The following TJP2 variants were observed in gnomAD, a reference collection of about 807,000 sequenced individuals.
TJP2 encodes the protein Friedreich ataxia region gene X104 (tight junction protein ZO-2).
In TJP2, 91 loss-of-function variants were observed where a neutral mutation model predicts 133.1. The ratio of observed to expected loss-of-function variants is 0.68; its 90% CI spans 0.58 to 0.81. The LOEUF is 0.81. TJP2 is among the 40% of genes least tolerant of loss of function. The pLI is 0.00. For missense variants in TJP2, 1,541 were observed against 1,565.6 expected (o/e 0.98, Z 0.26); for synonymous variants, 592 against 583.4 (o/e 1.01, Z -0.21).
chr9:69,197,474 A>T (rs1010408425), intron 1 of TJP2, among the ~76,000 whole-genome samples: 2 of 151,900 alleles, frequency 1.3e-5, no homozygotes, highest in South Asian at 4.2e-4. Flanking sequence ...TGTATTTTCA[A>T]TTTTCTTGAG....
intron 1 of TJP2, among the ~76,000 whole-genome samples, chr9:69,188,515 GC>G (rs1324415932): frequency 6.6e-6 from 1 of 152,158 alleles, no homozygotes; most frequent in Non-Finnish European, 1.5e-5. Context: ...GAAGCTCAAG[GC>G]CCTGTGTTGA....
chr9:69,176,995 G>T (rs1218673325), intron 1 of TJP2, among the ~76,000 whole-genome samples: 1 of 152,150 alleles, frequency 6.6e-6, no homozygotes, highest in East Asian at 1.9e-4. Context: ...GCGGTAGAAG[G>T]GTTCGCAATC....
At chr9:69,212,744 A>C (rs1416737981) in intron 2 of TJP2, 143 bp downstream of exon 2, 1 of 677,930 alleles carries the variant, frequency 1.5e-6, no homozygotes, top group Non-Finnish European at 2.6e-6. Flanking sequence ...AACTGGCAAT[A>C]ATTGCTATGT....
At chr9:69,150,011 G>A (rs570112806) in intron 1 of TJP2, among the ~76,000 whole-genome samples, 1 of 152,038 alleles carries the variant, frequency 6.6e-6, no homozygotes, top group Non-Finnish European at 1.5e-5. Context: ...TTAGCCGGCC[G>A]TGGTGGCACG....
Position 69,234,566 on chromosome 9 carries a change from T to A in TJP2, c.1780+19T>A, listed in dbSNP as rs1297516701. 1.3e-6 allele frequency: 2 copies of A among 1,509,780 alleles called. No individual in the cohort carries two copies. The highest frequency in any genetic ancestry group is 1.8e-6 in the Non-Finnish European group (2 of 1,099,696). The allele number at this position is 1,509,780 out of a possible 1,614,324, so 93.5% of individuals were successfully genotyped here. On this transcript the variant is annotated intron_variant, in intron 12 of 22. Coordinates refer to ENST00000377245, the MANE Select transcript of TJP2 (RefSeq NM_004817.4). ...GCCGATGGTGAGCAAATTTGGTCAT[T>A]TAGTTTAGTTGGGGTGGGGGTGGGG...
chr9:69,245,839 G>A (rs1188903534), intron 17 of TJP2, among the ~76,000 whole-genome samples: 3 of 152,168 alleles, frequency 2.0e-5, no homozygotes, highest in Non-Finnish European at 4.4e-5. Flanking sequence ...AGTAGAAAAT[G>A]TATATTCTTT....
chr9:69,175,281 A>G (rs1824997256), intron 1 of TJP2, among the ~76,000 whole-genome samples: 1 of 152,164 alleles, frequency 6.6e-6, no homozygotes, highest in Non-Finnish European at 1.5e-5. Context: ...GCGGAGAGTC[A>G]TCCCATGATA....
Position 69,254,420 on chromosome 9 carries a change from C to G in TJP2, c.*46C>G, listed in dbSNP as rs11548277. The G allele has an allele frequency of 7.5e-6, 12 of 1,607,118 alleles. No homozygotes were observed. The highest frequency in any genetic ancestry group is 1.0e-5 in the Non-Finnish European group (12 of 1,178,172). ...CCAGGCCTGCCTGCATGGCATCAGA[C>G]TAGCCACTCCTGCCAGGCCGCCGGG... On this transcript the variant is annotated 3_prime_UTR_variant, in exon 23 of 23. Transcript: ENST00000377245.
At chr9:69,135,984 G>C (rs776691842) in intron 1 of TJP2, among the ~76,000 whole-genome samples, 8 of 152,168 alleles carry the variant, frequency 5.3e-5, no homozygotes, top group Admixed American at 1.3e-4. Flanking sequence ...CGTCAGTCAA[G>C]TGCTAGTTCC....
At chr9:69,134,217 G>A (rs1822627793) in intron 1 of TJP2, among the ~76,000 whole-genome samples, 1 of 152,172 alleles carries the variant, frequency 6.6e-6, no homozygotes, top group African/African-American at 2.4e-5. Flanking sequence ...AATGAGTGTG[G>A]AGTTGGACTG....
chr9:69,240,198 A>T lies in TJP2; in HGVS notation c.2566+51A>T, dbSNP rs746779581. 2.7e-6 allele frequency: 4 copies of T among 1,473,346 alleles called. No individual in the cohort carries two copies. In the African/African-American group the frequency reaches 5.6e-5, roughly 21 times the overall value. 91.3% of individuals were successfully genotyped at this position (1,473,346 alleles called of 1,614,324 possible). A position where few individuals can be genotyped will look rare whatever the true frequency, so the allele number is the denominator to read the frequency against. On this transcript the variant is annotated intron_variant, in intron 17 of 22. Coordinates refer to ENST00000377245, the MANE Select transcript of TJP2 (RefSeq NM_004817.4). ...TTTGCTAAAAAATGAGAAATAAAGAATTGAAGAGTAGAAGAAATAATTAAT... is the reference window on the plus strand; with the variant it reads ...TTTGCTAAAAAATGAGAAATAAAGATTTGAAGAGTAGAAGAAATAATTAAT...
At chr9:69,153,175 G>A (rs1175788930) in intron 2 of TJP2, among the ~76,000 whole-genome samples, 1 of 151,978 alleles carries the variant, frequency 6.6e-6, no homozygotes, top group African/African-American at 2.4e-5. Flanking sequence ...CGAGGCTGCA[G>A]TGAGCTATAA....
At chr9:69,163,657 G>A (rs1427968834) in intron 2 of TJP2, among the ~76,000 whole-genome samples, 2 of 151,286 alleles carry the variant, frequency 1.3e-5, no homozygotes, top group Non-Finnish European at 3.0e-5. Flanking sequence ...AAAAAAAATT[G>A]AGATGGGGTT....
intron 2 of TJP2, among the ~76,000 whole-genome samples, chr9:69,213,097 C>G (rs1828061911): frequency 8.5e-6 from 1 of 118,044 alleles, no homozygotes; most frequent in Admixed American, 1.1e-4. Flanking sequence ...GAATTGCACT[C>G]TTGTCGCCCA....
Position 69,240,077 on chromosome 9 carries a change from C to T in TJP2, c.2496C>T (p.Ser832=), listed in dbSNP as rs1251461168. 1.9e-6 allele frequency: 3 copies of T among 1,613,906 alleles called. No homozygotes were observed. Among genetic ancestry groups the T allele is most frequent in the East Asian group, 2.2e-5 (1 of 44,866 alleles). The change falls in exon 17 of 23, where the codon TCC becomes TCT. Residue 832 remains serine (S), a synonymous_variant. Transcript: ENST00000377245. The stretch of plus-strand genomic sequence containing the variant: ...TGAGACAAAGGTTAAATCCAACGTC[C>T]AACAAAAGTTCTCGAAAGTTATTTG... ...KTMRQRLNPT[S]NKSSRKLFDQ...
chr9:69,211,195 G>A (rs1353255179), intron 1 of TJP2, among the ~76,000 whole-genome samples: 1 of 152,092 alleles, frequency 6.6e-6, no homozygotes, highest in Middle Eastern at 3.2e-3. Context: ...AAATTAGCCG[G>A]GCGTGGTAGT....
chr9:69,254,583 TG>T lies in TJP2; in HGVS notation c.*210del. 1 of 644,478 alleles carries T rather than the reference TG, an allele frequency of 1.6e-6. No individual in the cohort carries two copies. The highest frequency in any genetic ancestry group is 2.5e-5 in the Admixed American group (1 of 39,746). The allele number at this position is 644,478 out of a possible 1,614,324, so 39.9% of individuals were successfully genotyped here. On this transcript the variant is annotated 3_prime_UTR_variant, in exon 23 of 23. Transcript: ENST00000377245. ...TTTGTGGGACTGGGTTAGAGGAGTC[TG>T]TGGCTTTTTGTTCAGAATTAAGCAG...
intron 5 of TJP2, among the ~76,000 whole-genome samples, chr9:69,222,399 C>T (rs1828954096): frequency 1.3e-5 from 2 of 152,090 alleles, no homozygotes; most frequent in Admixed American, 6.5e-5. Context: ...CTCCTGACCT[C>T]AGGTGATCTG....
intron 1 of TJP2, among the ~76,000 whole-genome samples, chr9:69,142,723 T>G (rs1458836116): frequency 6.6e-6 from 1 of 152,174 alleles, no homozygotes; most frequent in African/African-American, 2.4e-5. Context: ...AAATATTAGT[T>G]GAAAGGAAAT....
Sources: gnomAD v4.1 joint callset for allele counts (sites outside exome capture counted in the v4.1 genomes callset) on GRCh38, gnomAD v4.1.1 for gene constraint, MANE v1.5 for transcripts, NCBI Gene and HGNC (gene_info 2026-07-23, HGNC 2026-07-21) for gene names.